Variants in MBNL2 observed in about 807,000 individuals in gnomAD.
The protein encoded by MBNL2 is muscleblind like splicing regulator 2, also known as muscleblind-like protein 2.
MBNL2 carries 17 observed loss-of-function variants against 41.9 expected under a neutral mutation model. The observed-to-expected ratio is 0.41, with a 90% CI of 0.28 to 0.61. The LOEUF is 0.61. Ranked by LOEUF, MBNL2 falls within the 20% of genes least tolerant of loss-of-function variation. The pLI is 0.35. For missense variants in MBNL2, 336 were observed against 505.6 expected (o/e 0.66, Z 3.22); for synonymous variants, 195 against 182.9 (o/e 1.07, Z -0.53).
intron 1 of MBNL2, among the ~76,000 whole-genome samples, chr13:97,229,338 A>G (rs1386205497): frequency 6.6e-6 from 1 of 151,748 alleles, no homozygotes; most frequent in East Asian, 1.9e-4. Context: ...GTCTGGATCC[A>G]TGTCTCTAAT....
rs2052070957 is a variant in MBNL2, at chr13:97,275,955, C to CA, written c.-277dup. 3.3e-6 allele frequency: 1 copy of CA among 305,302 alleles called. No individual in the cohort carries two copies. The highest frequency in any genetic ancestry group is 6.0e-6 in the Non-Finnish European group (1 of 165,466). 18.9% of individuals were successfully genotyped at this position (305,302 alleles called of 1,614,324 possible). ...ACTTTATTAATAACAGCTGTATCTGCAAAACAGTCAAGAGACTCGGACGTT... is the reference window on the plus strand; with the variant it reads ...ACTTTATTAATAACAGCTGTATCTGCAAAAACAGTCAAGAGACTCGGACGTT... On this transcript the variant is annotated 5_prime_UTR_variant, in exon 2 of 9. Coordinates refer to ENST00000679496, the MANE Select transcript of MBNL2 (RefSeq NM_001382683.1).
chr13:97,199,348 C>T, the MBNL2 span, among the ~76,000 whole-genome samples: 2 of 152,028 alleles, frequency 1.3e-5, no homozygotes, highest in African/African-American at 4.8e-5. Context: ...GCTATGGCCA[C>T]TTCATGTATT....
At chr13:97,182,492 T>C in the MBNL2 span, among the ~76,000 whole-genome samples, 1 of 152,206 alleles carries the variant, frequency 6.6e-6, no homozygotes, top group Non-Finnish European at 1.5e-5. Flanking sequence ...TGGTGACACT[T>C]ATGCCATTTA....
the MBNL2 span, among the ~76,000 whole-genome samples, chr13:97,193,892 A>G: frequency 2.6e-5 from 4 of 152,080 alleles, no homozygotes; most frequent in Non-Finnish European, 5.9e-5. Flanking sequence ...CTCCCACATC[A>G]TTTTGGGTCA....
rs575057812 is a variant in MBNL2, at chr13:97,366,939, T to C, written c.1048+1768T>C. On this transcript the variant is annotated intron_variant, in intron 8 of 8. Coordinates refer to ENST00000679496, the MANE Select transcript of MBNL2 (RefSeq NM_001382683.1). The surrounding 1 kb of genome is among the most constrained non-coding windows in gnomAD (Gnocchi z 4.7). The stretch of plus-strand genomic sequence containing the variant: ...AATTCGGTTCATTCAGACCCTATCA[T>C]CTGTGTGGAGGAAAAAAATCTCCTC... 3.9e-5 allele frequency among the ~76,000 whole-genome samples: 6 copies of C among 152,248 alleles called. 1 individual carries two copies. The highest frequency in any genetic ancestry group is 1.2e-4 in the African/African-American group (5 of 41,544).
the MBNL2 span, among the ~76,000 whole-genome samples, chr13:97,169,825 G>T: frequency 3.9e-5 from 6 of 152,166 alleles, no homozygotes; most frequent in African/African-American, 1.2e-4. Flanking sequence ...GGTTTCCTGG[G>T]AGGTTATTTC....
At position 97,334,138 on chromosome 13, in the gene MBNL2, G is replaced by A. The variant is rs567126257; in HGVS notation, c.175-138G>A. On this transcript the variant is annotated intron_variant, in intron 2 of 8. Coordinates refer to ENST00000679496, the MANE Select transcript of MBNL2 (RefSeq NM_001382683.1). The surrounding 1 kb of genome is among the most constrained non-coding windows in gnomAD (Gnocchi z 5.3). ...TTCCCCAACAAACACATGAGCATGC[G>A]CGCGCACACCCACACACACACACAC... 1.0e-4 allele frequency: 44 copies of A among 420,062 alleles called. No homozygotes were observed. The highest frequency in any genetic ancestry group is 6.2e-4 in the African/African-American group (22 of 35,260). 26.0% of individuals were successfully genotyped at this position (420,062 alleles called of 1,614,324 possible). A position where few individuals can be genotyped will look rare whatever the true frequency, so the allele number is the denominator to read the frequency against.
At chr13:97,291,676 C>G (rs989775728) in intron 2 of MBNL2, among the ~76,000 whole-genome samples, 4 of 143,222 alleles carry the variant, frequency 2.8e-5, no homozygotes, top group Non-Finnish European at 6.1e-5. Context: ...GGGCGGATCA[C>G]TTGAGGTCAG....
At chr13:97,358,530 C>T (rs1198653962) in intron 7 of MBNL2, among the ~76,000 whole-genome samples, 33 of 152,138 alleles carry the variant, frequency 2.2e-4, no homozygotes, top group African/African-American at 6.7e-4. Flanking sequence ...AGTAAAAAAA[C>T]AAAAGTATAA....
the MBNL2 span, among the ~76,000 whole-genome samples, chr13:97,187,891 A>C: frequency 6.8e-6 from 1 of 146,382 alleles, no homozygotes; most frequent in African/African-American, 2.5e-5. Flanking sequence ...CCTGGGCGAC[A>C]GTGAGACTTC....
chr13:97,237,989 G>A (rs952337912), intron 1 of MBNL2, among the ~76,000 whole-genome samples: 1 of 152,142 alleles, frequency 6.6e-6, no homozygotes, highest in Non-Finnish European at 1.5e-5. Context: ...CAAGGGAAAG[G>A]GAGGGAGTCA....
At chr13:97,224,505 C>T (rs2041294031) in intron 1 of MBNL2, among the ~76,000 whole-genome samples, 1 of 152,004 alleles carries the variant, frequency 6.6e-6, no homozygotes, top group Admixed American at 6.6e-5. Flanking sequence ...TGTGTCTCCT[C>T]TCTGACTACT....
the MBNL2 span, among the ~76,000 whole-genome samples, chr13:97,171,471 A>AT: frequency 1.3e-5 from 2 of 152,108 alleles, no homozygotes; most frequent in African/African-American, 4.8e-5. Flanking sequence ...CTGTAAAAAA[A>AT]TTTTTTTGAA....
intron 1 of MBNL2, among the ~76,000 whole-genome samples, chr13:97,227,897 C>T (rs1220183240): frequency 6.6e-6 from 1 of 152,188 alleles, no homozygotes. Context: ...GCTGGCTCTG[C>T]ACCCCAAATG....
the MBNL2 span, among the ~76,000 whole-genome samples, chr13:97,194,053 G>A: frequency 6.6e-6 from 1 of 152,152 alleles, no homozygotes; most frequent in Non-Finnish European, 1.5e-5. Flanking sequence ...ATATTTCTCA[G>A]CTTTCAGATC....
intron 2 of MBNL2, among the ~76,000 whole-genome samples, chr13:97,331,837 A>C (rs781510062): frequency 6.6e-6 from 1 of 152,254 alleles, no homozygotes; most frequent in Non-Finnish European, 1.5e-5. Context: ...GGTTTCATTG[A>C]TAAACTACTA....
intron 1 of MBNL2, among the ~76,000 whole-genome samples, chr13:97,254,317 C>G (rs1469696085): frequency 1.3e-5 from 2 of 152,110 alleles, no homozygotes; most frequent in Non-Finnish European, 2.9e-5. Context: ...ATTTCTTTCT[C>G]TTTGAAAAAT....
At chr13:97,149,480 T>C in the MBNL2 span, among the ~76,000 whole-genome samples, 1 of 152,132 alleles carries the variant, frequency 6.6e-6, no homozygotes, top group Admixed American at 6.6e-5. Context: ...GGTATGACTC[T>C]AGCTGACTAG....
In MBNL2 at chr13:97,276,252, C is replaced by A. The variant is rs2052104854; in HGVS notation, c.17C>A (p.Ala6Asp). 1 of 1,613,214 alleles carries A rather than the reference C, an allele frequency of 6.2e-7. No homozygotes were observed. Among genetic ancestry groups the A allele is most frequent in the African/African-American group, 1.3e-5 (1 of 74,914 alleles). The part of the protein sequence containing the change: MALNV[A>D]PVRDTKWLTL... ...TTTATCACCATGGCTTTGAACGTTG[C>A]CCCAGTCAGAGATACAAAATGGCTG... The change falls in exon 2 of 9, where the codon GCC (alanine) becomes GAC (aspartate). Residue 6 changes from alanine to aspartate, a missense_variant. Ala to Asp is a moderately radical substitution (Grantham distance 126). Transcript: ENST00000679496.
Sources: gnomAD v4.1 joint callset for allele counts (sites outside exome capture counted in the v4.1 genomes callset) on GRCh38, gnomAD v4.1.1 for gene constraint, Gnocchi (gnomAD v3.1) non-coding constraint, MANE v1.5 for transcripts, NCBI Gene and HGNC (gene_info 2026-07-23, HGNC 2026-07-21) for gene names.